CCDC171: variants seen among roughly 807,000 people sequenced by gnomAD.
CCDC171 encodes the protein coiled-coil domain containing 171, also known as coiled-coil domain-containing protein 171.
A neutral mutation model predicts 168.2 loss-of-function variants in CCDC171; 177 were observed. The observed-to-expected ratio is 1.05, with a 90% CI of 0.93 to 1.19. The LOEUF (loss-of-function observed/expected upper bound fraction) is 1.19. Among genes scored for constraint, CCDC171 ranks in the 50% most tolerant of loss-of-function variants. CCDC171 has a pLI of 0.00. For missense variants in CCDC171, 1,991 were observed against 1,539.0 expected (o/e 1.29, Z -4.91); for synonymous variants, 687 against 540.8 (o/e 1.27, Z -3.75).
At chr9:15,816,939 T>C (rs2059580909) in intron 21 of CCDC171, among the ~76,000 whole-genome samples, 1 of 118,598 alleles carries the variant, frequency 8.4e-6, no homozygotes, top group Non-Finnish European at 1.9e-5. Context: ...TTTGACTACA[T>C]AGCTGATTAT....
intron 25 of CCDC171, among the ~76,000 whole-genome samples, chr9:15,950,647 C>G (rs1356057346): frequency 1.3e-5 from 2 of 151,826 alleles, no homozygotes; most frequent in Admixed American, 1.3e-4. Context: ...AAGGAACAAC[C>G]GATACCAGCC....
intron 7 of CCDC171, among the ~76,000 whole-genome samples, chr9:15,654,458 C>T (rs966185553): frequency 6.6e-6 from 1 of 152,178 alleles, no homozygotes; most frequent in African/African-American, 2.4e-5. Context: ...CTATGATAGT[C>T]ATTATGGGAA....
chr9:15,618,802 C>G (rs2044287041), intron 6 of CCDC171, among the ~76,000 whole-genome samples: 1 of 151,924 alleles, frequency 6.6e-6, no homozygotes, highest in Admixed American at 6.6e-5. Flanking sequence ...AAGTGACGCC[C>G]CACCCTGCTT....
intron 3 of CCDC171, among the ~76,000 whole-genome samples, chr9:15,985,937 T>G (rs1478175924): frequency 6.6e-6 from 1 of 152,218 alleles, no homozygotes; most frequent in East Asian, 1.9e-4. Context: ...AATGGAGAAT[T>G]TGCAGGGCAT....
intron 25 of CCDC171, among the ~76,000 whole-genome samples, chr9:15,927,027 A>C (rs1382245372): frequency 6.6e-6 from 1 of 151,722 alleles, no homozygotes; most frequent in Non-Finnish European, 1.5e-5. Context: ...CCAGATACAA[A>C]ATAAATATTC....
chr9:16,108,069 G>C, the CCDC171 span, among the ~76,000 whole-genome samples: 1 of 152,152 alleles, frequency 6.6e-6, no homozygotes, highest in Non-Finnish European at 1.5e-5. Flanking sequence ...AACTTCAGTC[G>C]CAAAGTATTC....
At chr9:15,753,255 T>C (rs2055880087) in intron 18 of CCDC171, among the ~76,000 whole-genome samples, 1 of 152,108 alleles carries the variant, frequency 6.6e-6, no homozygotes, top group African/African-American at 2.4e-5. Flanking sequence ...GTGATTTAGC[T>C]AGACTTAGAA....
chr9:15,699,585 C>T (rs548782776), intron 11 of CCDC171, among the ~76,000 whole-genome samples: 1 of 152,150 alleles, frequency 6.6e-6, no homozygotes, highest in South Asian at 2.1e-4. Flanking sequence ...ACGTCCCCAC[C>T]AGATTAGTTA....
chr9:15,791,793 G>A (rs1446852215), intron 21 of CCDC171, among the ~76,000 whole-genome samples: 1 of 152,166 alleles, frequency 6.6e-6, no homozygotes, highest in African/African-American at 2.4e-5. Context: ...CTAACAAACA[G>A]AAAGGACATC....
the CCDC171 span, among the ~76,000 whole-genome samples, chr9:16,071,855 C>G: frequency 6.6e-6 from 1 of 152,172 alleles, no homozygotes; most frequent in Non-Finnish European, 1.5e-5. Context: ...TCTTACCTGG[C>G]TTTCTAATAT....
intron 24 of CCDC171, among the ~76,000 whole-genome samples, chr9:15,902,848 T>G (rs1589056619): frequency 1.3e-5 from 2 of 152,156 alleles, no homozygotes; most frequent in East Asian, 3.9e-4. Context: ...ACTGCACTTT[T>G]CCAACAGTCT....
upstream of CCDC171, among the ~76,000 whole-genome samples, chr9:16,038,099 G>GC (rs1043615725): frequency 3.3e-5 from 5 of 152,232 alleles, no homozygotes; most frequent in African/African-American, 1.2e-4. Context: ...TTTCTTGACA[G>GC]CAACAACAGA....
At chr9:15,823,302 T>C (rs2059872788) in intron 21 of CCDC171, among the ~76,000 whole-genome samples, 1 of 152,088 alleles carries the variant, frequency 6.6e-6, no homozygotes, top group South Asian at 2.1e-4. Context: ...TGTGCACTTG[T>C]ACCCTAAAAC....
intron 25 of CCDC171, among the ~76,000 whole-genome samples, chr9:15,947,704 A>C (rs905225302): frequency 3.3e-5 from 5 of 151,922 alleles, no homozygotes; most frequent in African/African-American, 9.7e-5. Flanking sequence ...CCTACTTTCA[A>C]TTCTTTCAGG....
At chr9:15,571,008 T>C (rs2040179916) in intron 2 of CCDC171, among the ~76,000 whole-genome samples, 1 of 152,088 alleles carries the variant, frequency 6.6e-6, no homozygotes, top group Non-Finnish European at 1.5e-5. Context: ...TTCAAATAAT[T>C]CTCCTGTTTT....
chr9:15,771,838 T>A (rs541644379), intron 18 of CCDC171, among the ~76,000 whole-genome samples: 1 of 152,096 alleles, frequency 6.6e-6, no homozygotes, highest in Non-Finnish European at 1.5e-5. Context: ...GGTAGCTTTT[T>A]TGGGGGGACG....
intron 6 of CCDC171, among the ~76,000 whole-genome samples, chr9:15,613,679 T>C (rs558076915): frequency 2.0e-5 from 3 of 152,136 alleles, no homozygotes; most frequent in Middle Eastern, 3.4e-3. Context: ...TGCGCCACCA[T>C]GCCCGGCTAA....
At chr9:15,934,867 C>A (rs1486641592) in intron 25 of CCDC171, among the ~76,000 whole-genome samples, 3 of 151,950 alleles carry the variant, frequency 2.0e-5, no homozygotes, top group African/African-American at 7.2e-5. Context: ...CATGGATGCA[C>A]TGTGAAATCG....
chr9:15,605,543 C>G (rs958129739), intron 6 of CCDC171, among the ~76,000 whole-genome samples: 5 of 148,580 alleles, frequency 3.4e-5, no homozygotes, highest in African/African-American at 1.2e-4. Context: ...AAAAATTAGC[C>G]GGGAGTAGTG....
Sources: allele counts gnomAD v4.1 joint callset (sites outside exome capture counted in the v4.1 genomes callset), GRCh38; gene constraint gnomAD v4.1.1; transcripts MANE v1.5; gene names NCBI Gene and HGNC (gene_info 2026-07-23, HGNC 2026-07-21).